Variants in FRMD4A observed in about 807,000 individuals in gnomAD.
FRMD4A encodes the protein FERM domain containing 4A, also known as FERM domain-containing protein 4A.
FRMD4A carries 29 observed loss-of-function variants against 129.1 expected under a neutral mutation model. The ratio of observed to expected loss-of-function variants is 0.22; its 90% CI spans 0.17 to 0.31. FRMD4A has a LOEUF of 0.31. Among genes scored for constraint, FRMD4A ranks in the 10% least tolerant of loss-of-function variants. FRMD4A has a pLI of 1.00. For missense variants in FRMD4A, 1,272 were observed against 1,375.8 expected (o/e 0.92, Z 1.19); for synonymous variants, 634 against 571.6 (o/e 1.11, Z -1.56).
At chr10:13,988,827 A>G (rs2095592333) in intron 2 of FRMD4A, among the ~76,000 whole-genome samples, 1 of 152,126 alleles carries the variant, frequency 6.6e-6, no homozygotes, top group East Asian at 1.9e-4. Flanking sequence ...AAAGATGAAA[A>G]AGAAAAATAA....
intron 2 of FRMD4A, among the ~76,000 whole-genome samples, chr10:14,287,824 C>A (rs1390010399): frequency 1.3e-5 from 2 of 152,004 alleles, no homozygotes; most frequent in Non-Finnish European, 2.9e-5. Context: ...TTGCAAAGAC[C>A]TGGCAGATAA....
chr10:14,266,150 T>C (rs1293238042), intron 2 of FRMD4A, among the ~76,000 whole-genome samples: 1 of 150,858 alleles, frequency 6.6e-6, no homozygotes, highest in South Asian at 2.1e-4. Context: ...TGGTGAATTC[T>C]TTGTCCTGGG....
intron 18 of FRMD4A, among the ~76,000 whole-genome samples, chr10:13,665,528 T>G (rs564328854): frequency 6.6e-6 from 1 of 152,312 alleles, no homozygotes; most frequent in Admixed American, 6.5e-5. Context: ...GGGGATTTCC[T>G]TCTAGAATTT....
intron 2 of FRMD4A, among the ~76,000 whole-genome samples, chr10:14,068,858 C>T (rs1360501852): frequency 6.6e-6 from 1 of 151,880 alleles, no homozygotes; most frequent in Non-Finnish European, 1.5e-5. Context: ...AGTTCATTCT[C>T]TCTCTCTCTT....
intron 2 of FRMD4A, among the ~76,000 whole-genome samples, chr10:14,205,822 A>G (rs1348410290): frequency 6.6e-6 from 1 of 150,586 alleles, no homozygotes; most frequent in Non-Finnish European, 1.5e-5. Flanking sequence ...AAAAAAAAAA[A>G]AAAAAAAGGG....
chr10:13,762,791 T>C, intron 6 of FRMD4A, 111 bp from the exon 7 acceptor site: 1 of 709,068 alleles, frequency 1.4e-6, no homozygotes, highest in Admixed American at 2.2e-5. Context: ...CCCTGGAGTT[T>C]GAGACCAGCC....
chr10:13,966,563 A>C (rs2095486399), intron 2 of FRMD4A, among the ~76,000 whole-genome samples: 1 of 152,220 alleles, frequency 6.6e-6, no homozygotes, highest in Non-Finnish European at 1.5e-5. Context: ...TGCCACTCAC[A>C]CACAGCCATG....
chr10:13,669,155 G>A (rs201186253), intron 17 of FRMD4A, among the ~76,000 whole-genome samples: 3 of 147,118 alleles, frequency 2.0e-5, no homozygotes, highest in Non-Finnish European at 4.5e-5. Flanking sequence ...TCCGACTCCC[G>A]GGTTCAAGCG....
intron 2 of FRMD4A, among the ~76,000 whole-genome samples, chr10:14,218,626 C>T (rs953406759): frequency 4.0e-5 from 6 of 151,886 alleles, no homozygotes; most frequent in African/African-American, 1.2e-4. Flanking sequence ...GGCCCAGGTG[C>T]GGGGATTGCC....
chr10:14,314,063 T>C (rs565022568), intron 2 of FRMD4A, among the ~76,000 whole-genome samples: 1 of 152,314 alleles, frequency 6.6e-6, no homozygotes, highest in South Asian at 2.1e-4. Context: ...GAAAACCAGA[T>C]AGCCAAGCAC....
At chr10:13,858,766 C>T in intron 3 of FRMD4A, 81 bp downstream of exon 3, 6 of 824,538 alleles carry the variant, frequency 7.3e-6, no homozygotes, top group South Asian at 2.7e-5. Context: ...TACCAAATCC[C>T]CCTTCATCCC....
At chr10:14,126,221 A>C (rs1266912103) in intron 2 of FRMD4A, among the ~76,000 whole-genome samples, 1 of 129,480 alleles carries the variant, frequency 7.7e-6, no homozygotes, top group Non-Finnish European at 1.5e-5. Flanking sequence ...CCCAGGCTGG[A>C]GTGCAGTGGT....
At position 13,859,731 on chromosome 10, in the gene FRMD4A, C is replaced by T. The variant is rs376338321; in HGVS notation, c.46-819G>A. On this transcript the variant is annotated intron_variant, in intron 2 of 24. Coordinates refer to ENST00000357447, the MANE Select transcript of FRMD4A (RefSeq NM_018027.5). ...TTGATTTCTGTGTTAGTTAATCGGC[C>T]CCCTCCTTGTGTATGACCTGATTCC... 1.5e-3 allele frequency among the ~76,000 whole-genome samples: 224 copies of T among 152,188 alleles called. 2 individuals are homozygous for T. Among genetic ancestry groups the T allele is most frequent in the African/African-American group, 5.2e-3 (214 of 41,518 alleles).
At position 13,884,110 on chromosome 10, in the gene FRMD4A, A is replaced by ACACACACACT. The variant is rs1564969717; in HGVS notation, c.46-25199_46-25198insAGTGTGTGTG. Reference sequence around the variant, plus strand: ...TTGATGCAATGGAAAAGAAACACACACACACACACACTCACACACACGCTC... The same window carrying ACACACACACT: ...TTGATGCAATGGAAAAGAAACACACACACACACACTCACACACACACTCACACACACGCTC... On this transcript the variant is annotated intron_variant, in intron 2 of 24. Coordinates refer to ENST00000357447, the MANE Select transcript of FRMD4A (RefSeq NM_018027.5). Among the ~76,000 whole-genome samples, 189 of 99,272 alleles carry ACACACACACT rather than the reference A, an allele frequency of 1.9e-3. 6 individuals are homozygous for ACACACACACT. In the Middle Eastern group the frequency reaches 0.048, roughly 25 times the overall value. 65.1% of individuals were successfully genotyped at this position (99,272 alleles called of 152,430 possible). A position where few individuals can be genotyped will look rare whatever the true frequency, so the allele number is the denominator to read the frequency against.
At chr10:14,079,108 T>C (rs1835779032) in intron 2 of FRMD4A, among the ~76,000 whole-genome samples, 1 of 152,228 alleles carries the variant, frequency 6.6e-6, no homozygotes, top group African/African-American at 2.4e-5. Context: ...GCTCCTGCTG[T>C]AGGTGCTTTT....
intron 2 of FRMD4A, among the ~76,000 whole-genome samples, chr10:14,018,830 T>C (rs889652034): frequency 2.6e-5 from 4 of 152,166 alleles, no homozygotes; most frequent in Admixed American, 6.5e-5. Flanking sequence ...GGGGAGATGA[T>C]AATGAGTAGC....
chr10:14,189,409 A>G (rs1292011877), intron 2 of FRMD4A, among the ~76,000 whole-genome samples: 2 of 152,126 alleles, frequency 1.3e-5, no homozygotes, highest in African/African-American at 4.8e-5. Flanking sequence ...CCTGGTCTCT[A>G]CTAAAAATAC....
intron 2 of FRMD4A, among the ~76,000 whole-genome samples, chr10:14,084,983 T>G (rs918553436): frequency 6.6e-6 from 1 of 152,188 alleles, no homozygotes; most frequent in Non-Finnish European, 1.5e-5. Context: ...TTTTCAATGG[T>G]AATGATCCCC....
chr10:14,116,570 C>A (rs780325443), intron 2 of FRMD4A, among the ~76,000 whole-genome samples: 4 of 152,130 alleles, frequency 2.6e-5, no homozygotes, highest in Non-Finnish European at 5.9e-5. Flanking sequence ...GTGGAGGAAG[C>A]CTTACAATCA....
Sources: gnomAD v4.1 joint callset for allele counts (sites outside exome capture counted in the v4.1 genomes callset) on GRCh38, gnomAD v4.1.1 for gene constraint, MANE v1.5 for transcripts, NCBI Gene and HGNC (gene_info 2026-07-23, HGNC 2026-07-21) for gene names.